Variants in ADAMTS7 observed in about 807,000 individuals in gnomAD.
ADAMTS7 encodes the protein ADAM metallopeptidase with thrombospondin type 1 motif 7.
ADAMTS7 carries 89 observed loss-of-function variants against 172.6 expected under a neutral mutation model. The observed-to-expected ratio is 0.52, with a 90% CI of 0.43 to 0.61. The LOEUF (loss-of-function observed/expected upper bound fraction) is 0.61, where lower values mean the gene tolerates loss of function less well. Ranked by LOEUF, ADAMTS7 falls within the 20% of genes least tolerant of loss-of-function variation. ADAMTS7 has a pLI of 0.00. For missense variants in ADAMTS7, 1,973 were observed against 2,355.6 expected (o/e 0.84, Z 3.36); for synonymous variants, 885 against 978.4 (o/e 0.90, Z 1.78).
At chr15:78,796,562 C>T (rs779147449) in intron 4 of ADAMTS7, 28 bp downstream of exon 4, 2 of 1,594,332 alleles carry the variant, frequency 1.3e-6, no homozygotes, top group East Asian at 4.5e-5. Context: ...CCATCCCCGC[C>T]ACCCGCTCCT....
chr15:78,774,362 G>T (rs1278304142), intron 12 of ADAMTS7, 62 bp from the exon 13 acceptor site: 11 of 1,491,756 alleles, frequency 7.4e-6, no homozygotes, highest in Non-Finnish European at 9.8e-6. Context: ...AGGCCACCAG[G>T]AAGACCCCTC....
At chr15:78,772,308 A>G (rs2055264389) in intron 14 of ADAMTS7, among the ~76,000 whole-genome samples, 1 of 152,140 alleles carries the variant, frequency 6.6e-6, no homozygotes, top group Admixed American at 6.5e-5. Flanking sequence ...TTTACAGATG[A>G]GCAAAGTGAG....
At chr15:78,805,879 G>A (rs891430492) in intron 1 of ADAMTS7, among the ~76,000 whole-genome samples, 2 of 151,910 alleles carry the variant, frequency 1.3e-5, no homozygotes, top group Admixed American at 6.6e-5. Flanking sequence ...TCAGGAGTTC[G>A]AGACCAGCCT....
chr15:78,775,132 G>A (rs2055322137), intron 11 of ADAMTS7, among the ~76,000 whole-genome samples: 1 of 152,196 alleles, frequency 6.6e-6, no homozygotes, highest in Non-Finnish European at 1.5e-5. Flanking sequence ...TGAGAAGCTG[G>A]GACAAGCTGC....
At position 78,790,699 on chromosome 15, in the gene ADAMTS7, C is replaced by G; in HGVS notation, c.999G>C (p.Leu333=). Residue 333 remains leucine, a synonymous_variant, in exon 6 of 24, where the codon CTG becomes CTC. Transcript: ENST00000388820. ...TGAGCAGGATGGCAGTGTCATGGTG[C>G]AGGGGATGGGCATCCCCCTTCATGT... ...SINMKGDAHP[L]HHDTAILLTR... is the part of the protein sequence containing the mutation. 6.2e-7 allele frequency: 1 copy of G among 1,613,974 alleles called. No individual in the cohort carries two copies. Among genetic ancestry groups the G allele is most frequent in the South Asian group, 1.1e-5 (1 of 91,076 alleles).
chr15:78,789,568 T>G, intron 7 of ADAMTS7, 121 bp downstream of exon 7: 2 of 1,368,240 alleles, frequency 1.5e-6, no homozygotes, highest in Non-Finnish European at 2.0e-6. Flanking sequence ...CAGTCAGGGC[T>G]CCTTTTCCAG....
At chr15:78,807,634 A>G (rs150191197) in intron 1 of ADAMTS7, among the ~76,000 whole-genome samples, 38 of 152,324 alleles carry the variant, frequency 2.5e-4, no homozygotes, top group Admixed American at 5.2e-4. Flanking sequence ...TGGGGATGAT[A>G]ATAATTACAG....
rs953762069 is a variant in ADAMTS7 at position 78,759,704 on chromosome 15, G to A, written c.4904-126C>T. 9.1e-5 allele frequency: 114 copies of A among 1,254,498 alleles called. No individual in the cohort carries two copies. In the African/African-American group the frequency reaches 1.1e-3, roughly 12 times the overall value. The allele number at this position is 1,254,498 out of a possible 1,614,324, so 77.7% of individuals were successfully genotyped here. A position where few individuals can be genotyped will look rare whatever the true frequency, so the allele number is the denominator to read the frequency against. On this transcript the variant is annotated intron_variant, in intron 23 of 23. Coordinates refer to ENST00000388820, the MANE Select transcript of ADAMTS7 (RefSeq NM_014272.5). ...ACCAAGCAGAGAGCCCCAGTTTCTG[G>A]AGCGGCTCCCGAACCGGAGTTGCAG...
intron 8 of ADAMTS7, among the ~76,000 whole-genome samples, chr15:78,783,156 C>T (rs2055455116): frequency 6.6e-6 from 1 of 152,190 alleles, no homozygotes; most frequent in African/African-American, 2.4e-5. Flanking sequence ...CAAAATAGCC[C>T]CCATCCAAAC....
chr15:78,760,215 C>T (rs1178448113), intron 23 of ADAMTS7, among the ~76,000 whole-genome samples: 1 of 152,164 alleles, frequency 6.6e-6, no homozygotes, highest in East Asian at 1.9e-4. Context: ...GGAGGGAGGC[C>T]AGCTGCAGGC....
intron 8 of ADAMTS7, among the ~76,000 whole-genome samples, chr15:78,784,528 AAG>A (rs1421248070): frequency 2.0e-5 from 3 of 152,202 alleles, no homozygotes; most frequent in Admixed American, 2.0e-4. Flanking sequence ...GGGTTCCAGA[AAG>A]AGAAAATGTA....
chr15:78,774,242 C>T lies in ADAMTS7; in HGVS notation c.1935G>A (p.Arg645=). The change falls in exon 13 of 24, where the codon CGG becomes CGA. Residue 645 remains arginine, a synonymous_variant. Coordinates refer to ENST00000388820, the MANE Select transcript of ADAMTS7 (RefSeq NM_014272.5). ...AGGGGGTGCCATCGACCACGGCGTC[C>T]CGCAGCTTCTCGGCAAAGTACTCAT... ...PANEYFAEKL[R]DAVVDGTPCY... 1 of 1,584,212 alleles carries T rather than the reference C, an allele frequency of 6.3e-7. No individual in the cohort carries two copies.
At chr15:78,769,105 G>A (rs2055206697) in intron 16 of ADAMTS7, among the ~76,000 whole-genome samples, 1 of 152,028 alleles carries the variant, frequency 6.6e-6, no homozygotes, top group African/African-American at 2.4e-5. Flanking sequence ...GAGAACCTCC[G>A]GACAAGAAAT....
intron 5 of ADAMTS7, 57 bp from the exon 6 acceptor site, chr15:78,790,851 C>T: frequency 6.2e-7 from 1 of 1,602,254 alleles, no homozygotes. Flanking sequence ...AAGGTCAGGC[C>T]CAATTCTCCC....
intron 16 of ADAMTS7, among the ~76,000 whole-genome samples, chr15:78,769,824 T>G (rs2055217054): frequency 6.6e-6 from 1 of 152,264 alleles, no homozygotes; most frequent in Admixed American, 6.5e-5. Context: ...AAATGTCTAG[T>G]GCTGCAAGTG....
In ADAMTS7 at chr15:78,777,612, AG is replaced by A. The variant is rs556206528; in HGVS notation, c.1323-25del. ...GGCTAAAGATGGGACGGGAGGATGG[AG>A]GGGGGCGCAGCCTGTGAGACCCATC... On this transcript the variant is annotated intron_variant, in intron 8 of 23. Transcript: ENST00000388820. 7.2e-4 allele frequency: 1,149 copies of A among 1,588,848 alleles called. 4 individuals carry two copies. Among genetic ancestry groups the A allele is most frequent in the East Asian group, 1.4e-3 (61 of 43,724 alleles).
chr15:78,793,225 G>A (rs189731621), intron 4 of ADAMTS7, among the ~76,000 whole-genome samples: 31 of 152,274 alleles, frequency 2.0e-4, no homozygotes, highest in Admixed American at 1.6e-3. Flanking sequence ...CCCAGGTTTC[G>A]CTGCTTCAAA....
At chr15:78,807,826 CAAACAAAACA>C (rs368146047) in intron 1 of ADAMTS7, among the ~76,000 whole-genome samples, 5 of 151,610 alleles carry the variant, frequency 3.3e-5, no homozygotes, top group African/African-American at 1.2e-4. Context: ...GGCTTAAAAA[CAAACAAAACA>C]AAACAAAACA....
intron 8 of ADAMTS7, among the ~76,000 whole-genome samples, chr15:78,779,778 A>G (rs1298009808): frequency 1.1e-4 from 16 of 152,236 alleles, no homozygotes; most frequent in South Asian, 8.3e-4. Context: ...ACCTCATCCC[A>G]GCACCAACAG....
Sources: allele counts gnomAD v4.1 joint callset (sites outside exome capture counted in the v4.1 genomes callset), GRCh38; gene constraint gnomAD v4.1.1; transcripts MANE v1.5; gene names NCBI Gene and HGNC (gene_info 2026-07-23, HGNC 2026-07-21).